The following PTPRD variants were observed in gnomAD, a reference collection of about 807,000 sequenced individuals.
PTPRD encodes receptor-type tyrosine-protein phosphatase delta.
PTPRD carries 34 observed loss-of-function variants against 214.5 expected under a neutral mutation model. The ratio of observed to expected loss-of-function variants is 0.16; its 90% CI spans 0.12 to 0.21. The LOEUF (loss-of-function observed/expected upper bound fraction) is 0.21, where lower values mean the gene tolerates loss of function less well. Among genes scored for constraint, PTPRD ranks in the 10% least tolerant of loss-of-function variants. The pLI, the probability that PTPRD is intolerant of heterozygous loss-of-function variation, is 1.00. For synonymous variants in PTPRD, 1,128 were observed against 845.7 expected, an observed-to-expected ratio of 1.33 and a Z score of -5.79; for missense variants, 2,545 against 2,398.7, an observed-to-expected ratio of 1.06 and a Z score of -1.27.
At chr9:9,505,760 A>G (rs999865388) in intron 8 of PTPRD, among the ~76,000 whole-genome samples, 2 of 151,514 alleles carry the variant, frequency 1.3e-5, no homozygotes, top group Non-Finnish European at 3.0e-5. Flanking sequence ...AATGTTTAAT[A>G]TATTTATAAC....
At chr9:9,611,576 G>C (rs879700266) in intron 7 of PTPRD, among the ~76,000 whole-genome samples, 8 of 151,860 alleles carry the variant, frequency 5.3e-5, no homozygotes, top group East Asian at 3.9e-4. Context: ...TATAAACATA[G>C]TCATATATAT....
intron 4 of PTPRD, among the ~76,000 whole-genome samples, chr9:9,947,540 TAATA>T (rs1566622874): frequency 3.2e-5 from 1 of 31,010 alleles, no homozygotes; most frequent in Non-Finnish European, 5.0e-5. Context: ...ATTTTATATA[TAATA>T]TATATATTAT....
intron 30 of PTPRD, among the ~76,000 whole-genome samples, chr9:8,480,890 C>A (rs914017788): frequency 3.9e-5 from 6 of 152,096 alleles, no homozygotes; most frequent in Admixed American, 6.5e-5. Context: ...CCTGTAACCC[C>A]AGCACTTTGG....
At chr9:10,249,054 G>A (rs1380161610) in intron 3 of PTPRD, among the ~76,000 whole-genome samples, 1 of 152,062 alleles carries the variant, frequency 6.6e-6, no homozygotes, top group East Asian at 1.9e-4. Flanking sequence ...AAGCAAAGAT[G>A]TTTCTTCTGC....
At chr9:10,190,295 G>A (rs1216111693) in intron 3 of PTPRD, among the ~76,000 whole-genome samples, 2 of 148,722 alleles carry the variant, frequency 1.3e-5, no homozygotes. Context: ...GAACCAGGAG[G>A]TGGAGGTTGC....
At chr9:9,792,494 C>T (rs1162650505) in intron 5 of PTPRD, among the ~76,000 whole-genome samples, 1 of 152,078 alleles carries the variant, frequency 6.6e-6, no homozygotes, top group Admixed American at 6.6e-5. Context: ...TGAAAATTCC[C>T]ATTTACCCCA....
rs148534395 is a variant in PTPRD, at chr9:10,292,291, C to T, written c.-545+48672G>A. ...CGCCTTCAATGTCTCTGAAATCAGA[C>T]TACTTGTCTCTCCCCTTTCTTAATG... On this transcript the variant is annotated intron_variant, in intron 3 of 45. Transcript: ENST00000381196. 5.3e-3 allele frequency among the ~76,000 whole-genome samples: 802 copies of T among 152,132 alleles called. 8 individuals carry two copies. The highest frequency in any genetic ancestry group is 0.018 in the African/African-American group (757 of 41,522).
At chr9:9,976,603 G>C (rs545188272) in intron 4 of PTPRD, among the ~76,000 whole-genome samples, 2 of 139,298 alleles carry the variant, frequency 1.4e-5, no homozygotes, top group Non-Finnish European at 3.0e-5. Context: ...AGCCAGGCTG[G>C]TCTCAAAGTC....
chr9:10,150,588 G>C (rs2099054229), intron 3 of PTPRD, among the ~76,000 whole-genome samples: 1 of 150,794 alleles, frequency 6.6e-6, no homozygotes, highest in Admixed American at 6.6e-5. Flanking sequence ...CAGCACACCA[G>C]CACAGCACAT....
chr9:8,415,374 T>C (rs889138051), intron 35 of PTPRD, among the ~76,000 whole-genome samples: 3 of 152,186 alleles, frequency 2.0e-5, no homozygotes, highest in Non-Finnish European at 2.9e-5. Flanking sequence ...TCAATTGTGA[T>C]TGGATATGTA....
At chr9:9,035,541 G>C (rs1051075759) in intron 10 of PTPRD, among the ~76,000 whole-genome samples, 4 of 151,884 alleles carry the variant, frequency 2.6e-5, no homozygotes, top group African/African-American at 9.7e-5. Flanking sequence ...CCCGTCATAG[G>C]GTGTTCCCCC....
intron 9 of PTPRD, among the ~76,000 whole-genome samples, chr9:9,327,287 G>T (rs917555971): frequency 3.9e-5 from 6 of 152,060 alleles, no homozygotes; most frequent in African/African-American, 1.4e-4. Flanking sequence ...TACTTCTTTT[G>T]GAATATTCCC....
chr9:8,803,967 C>G lies in PTPRD; in HGVS notation c.-103-70021G>C, dbSNP rs559382952. On this transcript the variant is annotated intron_variant, in intron 11 of 45. Transcript: ENST00000381196. ...GTCCCTCACTTCTTCCCTCCACCCC[C>G]CCACAGACGGAGTCTCGCTCTGTTG... Among the ~76,000 whole-genome samples the G allele has an allele frequency of 7.0e-4, 107 of 151,934 alleles. 1 individual carries two copies. The highest frequency in any genetic ancestry group is 1.3e-3 in the Non-Finnish European group (85 of 67,928).
intron 14 of PTPRD, among the ~76,000 whole-genome samples, chr9:8,544,889 CTT>C (rs869280997): frequency 0.11 from 13,164 of 118,474 alleles, 654 homozygotes; most frequent in South Asian, 0.16. Flanking sequence ...AAAGACAGTC[CTT>C]TTTTTTTTTT....
At chr9:9,171,298 G>C (rs1373991488) in intron 10 of PTPRD, among the ~76,000 whole-genome samples, 1 of 151,252 alleles carries the variant, frequency 6.6e-6, no homozygotes, top group African/African-American at 2.4e-5. Flanking sequence ...AATGTGAAGG[G>C]AAAACTGGTA....
chr9:8,630,993 C>A (rs531882578), intron 14 of PTPRD, among the ~76,000 whole-genome samples: 3 of 151,890 alleles, frequency 2.0e-5, no homozygotes, highest in South Asian at 4.1e-4. Context: ...TTTTAATATA[C>A]CTTCTATATG....
intron 7 of PTPRD, among the ~76,000 whole-genome samples, chr9:9,607,800 A>G (rs2094263919): frequency 6.6e-6 from 1 of 152,082 alleles, no homozygotes; most frequent in Non-Finnish European, 1.5e-5. Flanking sequence ...ATCTCCTGAT[A>G]GATTCCGAAG....
chr9:9,551,210 G>A (rs946953419), intron 8 of PTPRD, among the ~76,000 whole-genome samples: 14 of 151,840 alleles, frequency 9.2e-5, no homozygotes, highest in African/African-American at 3.1e-4. Context: ...TCAACCTGGC[G>A]CTAAATAAAC....
intron 11 of PTPRD, among the ~76,000 whole-genome samples, chr9:8,909,124 C>A (rs915393941): frequency 6.6e-6 from 1 of 151,840 alleles, no homozygotes; most frequent in African/African-American, 2.4e-5. Context: ...AAAATAAATT[C>A]AGCTGGGAAT....
Sources: allele counts gnomAD v4.1 joint callset (sites outside exome capture counted in the v4.1 genomes callset), GRCh38; gene constraint gnomAD v4.1.1; transcripts MANE v1.5; gene names NCBI Gene and HGNC (gene_info 2026-07-23, HGNC 2026-07-21).